The following MADD variants were observed in gnomAD, a reference collection of about 807,000 sequenced individuals.
MADD encodes MAP kinase activating death domain, also known as MAP kinase-activating death domain protein.
Under a neutral mutation model 176.7 loss-of-function variants are expected in MADD, and 109 were observed. The observed-to-expected ratio is 0.62, with a 90% confidence interval of 0.53 to 0.72. The LOEUF (loss-of-function observed/expected upper bound fraction) is 0.72. Among genes scored for constraint, MADD ranks in the 30% least tolerant of loss-of-function variants. The pLI is 0.00. For missense variants in MADD, 1,914 were observed against 2,045.5 expected, an observed-to-expected ratio of 0.94 and a Z score of 1.24; for synonymous variants, 771 against 771.3, an observed-to-expected ratio of 1.00 and a Z score of 0.01.
rs138616597 is a variant in MADD, at chr11:47,285,046, C to G, written c.2263C>G (p.Gln755Glu). 6 of 1,614,052 alleles carry G rather than the reference C, an allele frequency of 3.7e-6. No individual in the cohort carries two copies. The African/African-American group carries it at 8.0e-5, about 22-fold the overall frequency. The change falls in exon 13 of 33, where the codon CAG becomes GAG. Residue 755 changes from glutamine to glutamate, a missense_variant. Gln to Glu is a conservative substitution (Grantham distance 29, BLOSUM62 2). Transcript: ENST00000402192. ...TGGCAAATCGAACGTGGACAGACGT[C>G]AGGCAGAAATTGGAGAGGGGTCAGT...
chr11:47,297,481 G>C (rs1294466069), intron 22 of MADD, among the ~76,000 whole-genome samples: 6 of 148,288 alleles, frequency 4.0e-5, no homozygotes, highest in African/African-American at 1.5e-4. Context: ...GAGTCTCGCT[G>C]TGTCACCCAG....
intron 31 of MADD, chr11:47,327,028 G>A (rs2095518959): frequency 7.6e-7 from 1 of 1,307,682 alleles, no homozygotes; most frequent in East Asian, 3.0e-5. Flanking sequence ...GGCCTCAGGT[G>A]GGTTTCGAGT....
intron 3 of MADD, 145 bp downstream of exon 3, chr11:47,275,304 T>C (rs2048621335): frequency 1.3e-6 from 1 of 798,838 alleles, no homozygotes; most frequent in African/African-American, 1.7e-5. Context: ...TTAATCTTTT[T>C]TCTTTTGGAG....
intron 14 of MADD, 79 bp from the exon 15 acceptor site, chr11:47,286,354 C>T: frequency 1.2e-6 from 1 of 867,394 alleles, no homozygotes; most frequent in Non-Finnish European, 2.0e-6. Context: ...GAGGGAGGTG[C>T]AGATGCTGAT....
chr11:47,281,335 G>A (rs2056524058), intron 7 of MADD, among the ~76,000 whole-genome samples: 1 of 152,216 alleles, frequency 6.6e-6, no homozygotes, highest in Admixed American at 6.5e-5. Flanking sequence ...GTCTTAAGAT[G>A]GAGAGCTACA....
exon 33 of MADD, chr11:47,329,254 G>A: frequency 1.1e-6 from 1 of 873,266 alleles, no homozygotes; most frequent in South Asian, 1.4e-5. Flanking sequence ...TGATGCTCGT[G>A]TGTCCTCTGC....
chr11:47,275,191 A>G (rs1326446409), intron 3 of MADD, 32 bp downstream of exon 3: 1 of 1,561,996 alleles, frequency 6.4e-7, no homozygotes, highest in Admixed American at 1.8e-5. Flanking sequence ...TAATGGGGGA[A>G]GCATTTAGAG....
chr11:47,271,211 G>C (rs1169781818), intron 1 of MADD: 1 of 152,242 alleles, frequency 6.6e-6, no homozygotes, highest in Non-Finnish European at 1.5e-5. Flanking sequence ...AAGAGGCAGA[G>C]TCGGAGCCTC....
At chr11:47,299,577 T>G (rs1198888430) in intron 22 of MADD, among the ~76,000 whole-genome samples, 1 of 61,330 alleles carries the variant, frequency 1.6e-5, no homozygotes, top group Non-Finnish European at 3.0e-5. Flanking sequence ...CTAGTGGAGA[T>G]TTTAGGGCTT....
chr11:47,323,331 G>T (rs931737206), intron 27 of MADD, among the ~76,000 whole-genome samples: 4 of 151,490 alleles, frequency 2.6e-5, no homozygotes, highest in Non-Finnish European at 5.9e-5. Context: ...CTGGCTGGTC[G>T]AGGCTGCAGT....
intron 10 of MADD, among the ~76,000 whole-genome samples, chr11:47,283,632 C>T (rs891344468): frequency 2.0e-5 from 3 of 152,240 alleles, no homozygotes; most frequent in South Asian, 2.1e-4. Context: ...AGCGCAGTGG[C>T]GTGATCTGGG....
intron 6 of MADD, 128 bp downstream of exon 6, chr11:47,278,406 C>A: frequency 1.5e-6 from 1 of 687,262 alleles, no homozygotes; most frequent in Non-Finnish European, 2.5e-6. Context: ...TATTGCGAGA[C>A]TTACTGAAAC....
rs764618724 is a variant in MADD at position 47,281,557 on chromosome 11, TTTC to T, written c.1291-15_1291-13del. The T allele has an allele frequency of 1.3e-6, 2 of 1,581,254 alleles. No homozygotes were observed. Among genetic ancestry groups the T allele is most frequent in the Admixed American group, 3.4e-5 (2 of 58,180 alleles). On this transcript the variant is annotated splice_polypyrimidine_tract_variant and intron_variant, in intron 7 of 32. Transcript: ENST00000402192. Reference sequence around the variant, plus strand: ...CAGGGACGTTCCTTGTGTAAGGAATTTTCTTGTTGTTCCACAGGCCTTGGCCAG... The same window carrying T: ...CAGGGACGTTCCTTGTGTAAGGAATTTTGTTGTTCCACAGGCCTTGGCCAG...
chr11:47,291,684 G>A (rs1000280138), intron 19 of MADD, among the ~76,000 whole-genome samples: 3 of 152,166 alleles, frequency 2.0e-5, no homozygotes, highest in African/African-American at 7.2e-5. Flanking sequence ...TGATGTTGTA[G>A]AAAATGTACT....
intron 27 of MADD, 34 bp from the exon 31 acceptor site, chr11:47,323,637 A>G (rs760459729): frequency 6.2e-7 from 1 of 1,605,046 alleles, no homozygotes; most frequent in East Asian, 2.2e-5. Flanking sequence ...TGTCAGAGAC[A>G]GGAACCACTG....
chr11:47,308,964 G>A lies in MADD; in HGVS notation c.3751+265G>A. On this transcript the variant is annotated intron_variant, in intron 23 of 32. Coordinates refer to ENST00000402192, the Ensembl canonical transcript of MADD. ...CTTTCTTGCTACCATGGTCCTTCCT[G>A]CTCTCAAATTGGCAGGAAGGGACAA... is the stretch of plus-strand genomic sequence containing the variant. The A allele has an allele frequency of 6.2e-7, 1 of 1,612,254 alleles. No homozygotes were observed. The highest frequency in any genetic ancestry group is 8.5e-7 in the Non-Finnish European group (1 of 1,178,468).
Position 47,290,870 on chromosome 11 carries a change from C to T in MADD, c.3301+54C>T, listed in dbSNP as rs938856321. On this transcript the variant is annotated intron_variant, in intron 19 of 32. Transcript: ENST00000402192. The stretch of plus-strand genomic sequence containing the variant: ...AGGGGTCCTGGCTTCTTAAATATCC[C>T]TTTCTCCTCAATTCATCCAGAATCC... The T allele has an allele frequency of 3.6e-6, 5 of 1,389,598 alleles. No individual in the cohort carries two copies. The Admixed American group carries it at 9.5e-5, about 26-fold the overall frequency. 86.1% of individuals were successfully genotyped at this position (1,389,598 alleles called of 1,614,324 possible).
exon 3 of MADD, chr11:47,275,074 T>C: frequency 1.5e-5 from 24 of 1,614,100 alleles, no homozygotes; most frequent in Non-Finnish European, 1.9e-5. Context: ...CTTCCGAGAG[T>C]GTTTGTATAC....
chr11:47,282,725 C>T, intron 9 of MADD, 88 bp from the exon 10 acceptor site: 4 of 1,592,454 alleles, frequency 2.5e-6, no homozygotes, highest in Non-Finnish European at 3.4e-6. Flanking sequence ...CCTGGCTCTG[C>T]TTTAGACTTT....
Sources: gnomAD v4.1 joint callset for allele counts (sites outside exome capture counted in the v4.1 genomes callset) on GRCh38, gnomAD v4.1.1 for gene constraint, MANE v1.5 for transcripts, NCBI Gene and HGNC (gene_info 2026-07-23, HGNC 2026-07-21) for gene names.